PDE9A: variants seen among roughly 807,000 people sequenced by gnomAD.
PDE9A encodes the protein phosphodiesterase 9A, also known as high affinity cGMP-specific 3',5'-cyclic phosphodiesterase 9A.
In PDE9A, 60 loss-of-function variants were observed where a neutral mutation model predicts 87.4. The ratio of observed to expected loss-of-function variants is 0.69; its 90% confidence interval spans 0.56 to 0.85. PDE9A has a LOEUF of 0.85. Ranked by LOEUF, PDE9A falls within the 40% of genes least tolerant of loss-of-function variation. PDE9A has a pLI of 0.00. For missense variants in PDE9A, 665 were observed against 779.0 expected (o/e 0.85, Z 1.74); for synonymous variants, 272 against 279.4 (o/e 0.97, Z 0.27).
At chr21:42,745,714 A>G (rs1015320447) in intron 8 of PDE9A, among the ~76,000 whole-genome samples, 3 of 152,324 alleles carry the variant, frequency 2.0e-5, no homozygotes, top group African/African-American at 7.2e-5. Flanking sequence ...GTGGTGTTCC[A>G]GGGTGGTGCT....
chr21:42,748,336 T>C (rs2054081412), intron 8 of PDE9A, among the ~76,000 whole-genome samples: 1 of 152,240 alleles, frequency 6.6e-6, no homozygotes, highest in African/African-American at 2.4e-5. Context: ...GTTTTGTTAA[T>C]ACTTTGCTGA....
At chr21:42,747,914 A>C (rs936729177) in intron 8 of PDE9A, among the ~76,000 whole-genome samples, 5 of 152,244 alleles carry the variant, frequency 3.3e-5, no homozygotes, top group African/African-American at 9.6e-5. Context: ...AAATAGGATG[A>C]AAAGAAAGAG....
intron 4 of PDE9A, among the ~76,000 whole-genome samples, chr21:42,716,065 C>T (rs1167134586): frequency 6.6e-6 from 1 of 151,802 alleles, no homozygotes; most frequent in African/African-American, 2.4e-5. Context: ...TATGCCTTTT[C>T]CCGGCATCTT....
chr21:42,712,572 G>T (rs1456026676), intron 4 of PDE9A, among the ~76,000 whole-genome samples: 2 of 152,198 alleles, frequency 1.3e-5, no homozygotes, highest in Non-Finnish European at 2.9e-5. Context: ...AGTGAGAGCA[G>T]ACGTCCTCGC....
At position 42,775,298 on chromosome 21, in the gene PDE9A, A is replaced by G. The variant is rs2057406825; in HGVS notation, c.*5A>G. 6.2e-7 allele frequency: 1 copy of G among 1,610,684 alleles called. No individual in the cohort carries two copies. The highest frequency in any genetic ancestry group is 1.7e-5 in the Admixed American group (1 of 59,510). ...CTTCCAGGAGACTGTGCCTGAGGAAAGCGGGGGGCGTGGCTGCAGTTCTGG... is the reference window on the plus strand; with the variant it reads ...CTTCCAGGAGACTGTGCCTGAGGAAGGCGGGGGGCGTGGCTGCAGTTCTGG... On this transcript the variant is annotated 3_prime_UTR_variant, in exon 20 of 20. Transcript: ENST00000291539.
rs1308455799 is a variant in PDE9A at position 42,705,332 on chromosome 21, T to A, written c.262+6321T>A. Reference sequence around the variant, plus strand: ...TTTTTGGAAAATCCTTGAGCCTCAATCACTTTTATTTGATGTAAGCCGCTC... The same window carrying A: ...TTTTTGGAAAATCCTTGAGCCTCAAACACTTTTATTTGATGTAAGCCGCTC... On this transcript the variant is annotated intron_variant, in intron 4 of 19. Transcript: ENST00000291539. The surrounding 1 kb of genome is among the most constrained non-coding windows in gnomAD (Gnocchi z 4.3). Among the ~76,000 whole-genome samples the A allele has an allele frequency of 1.3e-5, 2 of 152,192 alleles. No homozygotes were observed. The highest frequency in any genetic ancestry group is 2.9e-5 in the Non-Finnish European group (2 of 68,032).
chr21:42,768,840 C>A lies in PDE9A; in HGVS notation c.1462-187C>A, dbSNP rs867805743. On this transcript the variant is annotated intron_variant, in intron 16 of 19. Coordinates refer to ENST00000291539, the MANE Select transcript of PDE9A (RefSeq NM_002606.3). ...TCTCAGGTCGGTCTTCCCAGCTAGA[C>A]CTGCACGCCCAGCTCTGTTTAGCAC... 4 of 985,266 alleles carry A rather than the reference C, an allele frequency of 4.1e-6. No homozygotes were observed. In the East Asian group the frequency reaches 3.4e-4, roughly 84 times the overall value. 61.0% of individuals were successfully genotyped at this position (985,266 alleles called of 1,614,324 possible). A position where few individuals can be genotyped will look rare whatever the true frequency, so the allele number is the denominator to read the frequency against.
In PDE9A at chr21:42,758,855, C is replaced by T. The variant is rs2055359380; in HGVS notation, c.811-144C>T. On this transcript the variant is annotated intron_variant, in intron 10 of 19. Transcript: ENST00000291539. ...CCATGTCTGCCGACCAGGCTTTGCT[C>T]TCCAGGGACTTTCTGGGAGGGGGAG... is the stretch of plus-strand genomic sequence containing the variant. 4 of 623,446 alleles carry T rather than the reference C, an allele frequency of 6.4e-6. No individual in the cohort carries two copies. In the East Asian group the frequency reaches 1.1e-4, roughly 17 times the overall value. The allele number at this position is 623,446 out of a possible 1,614,324, so 38.6% of individuals were successfully genotyped here.
Position 42,759,177 on chromosome 21 carries a change from C to T in PDE9A, c.897+92C>T, listed in dbSNP as rs867671545. Reference sequence around the variant, plus strand: ...GGGAATGGATCACCAGGGCACCTTCCGGATGGCACTGCGCTCCCTGTGAGC... The same window carrying T: ...GGGAATGGATCACCAGGGCACCTTCTGGATGGCACTGCGCTCCCTGTGAGC... On this transcript the variant is annotated intron_variant, in intron 11 of 19. Coordinates refer to ENST00000291539, the MANE Select transcript of PDE9A (RefSeq NM_002606.3). This position sits in a 1 kb window ranked among gnomAD's most constrained non-coding sequence, Gnocchi z 7.2. 11 of 883,924 alleles carry T rather than the reference C, an allele frequency of 1.2e-5. No individual in the cohort carries two copies. The highest frequency in any genetic ancestry group is 8.5e-5 in the South Asian group (6 of 70,186). The allele number at this position is 883,924 out of a possible 1,614,324, so 54.8% of individuals were successfully genotyped here.
intron 1 of PDE9A, among the ~76,000 whole-genome samples, chr21:42,678,766 T>TC (rs1326952822): frequency 2.0e-5 from 3 of 152,114 alleles, no homozygotes; most frequent in Non-Finnish European, 4.4e-5. Context: ...GGCGGCCACC[T>TC]CCCGGGGGAA....
chr21:42,692,982 C>T lies in PDE9A; in HGVS notation c.218+4988C>T, dbSNP rs1347693325. 6.6e-6 allele frequency among the ~76,000 whole-genome samples: 1 copy of T among 152,206 alleles called. No homozygotes were observed. The highest frequency in any genetic ancestry group is 2.4e-5 in the African/African-American group (1 of 41,466). On this transcript the variant is annotated intron_variant, in intron 3 of 19. Transcript: ENST00000291539. This position sits in a 1 kb window ranked among gnomAD's most constrained non-coding sequence, Gnocchi z 4.3. The stretch of plus-strand genomic sequence containing the variant: ...CCCTCACCACATGTCCAGGAGGGAG[C>T]CGGCATCCTTTGCTGACTTTCTTGC...
intron 1 of PDE9A, among the ~76,000 whole-genome samples, chr21:42,677,923 G>A (rs1167057432): frequency 2.0e-5 from 3 of 152,156 alleles, no homozygotes; most frequent in East Asian, 1.9e-4. Flanking sequence ...GATCACAGGC[G>A]TGAGCCACTG....
chr21:42,727,509 T>TTTTTG (rs1569208853), intron 4 of PDE9A, among the ~76,000 whole-genome samples: 1 of 138,980 alleles, frequency 7.2e-6, no homozygotes, highest in Non-Finnish European at 1.6e-5. Flanking sequence ...TTTTTTTTTT[T>TTTTTG]TTTTGTAGAG....
intron 8 of PDE9A, among the ~76,000 whole-genome samples, chr21:42,750,290 A>C (rs771680576): frequency 6.6e-6 from 1 of 152,232 alleles, no homozygotes; most frequent in Non-Finnish European, 1.5e-5. Flanking sequence ...GCAAGACCCT[A>C]TCTCTACAAA....
chr21:42,770,075 T>C (rs2056890405), intron 17 of PDE9A, among the ~76,000 whole-genome samples: 2 of 151,992 alleles, frequency 1.3e-5, no homozygotes, highest in South Asian at 2.1e-4. Flanking sequence ...CTGAGCTCTG[T>C]GCCCTCGAGC....
At chr21:42,669,810 T>C (rs1038734075) in intron 1 of PDE9A, among the ~76,000 whole-genome samples, 1 of 152,076 alleles carries the variant, frequency 6.6e-6, no homozygotes, top group African/African-American at 2.4e-5. Context: ...CAGCACGGAA[T>C]GAAGAGGTTC....
intron 3 of PDE9A, 48 bp downstream of exon 3, chr21:42,688,042 C>A (rs1302386839): frequency 1.4e-6 from 2 of 1,429,224 alleles, no homozygotes; most frequent in Non-Finnish European, 2.0e-6. Flanking sequence ...GCACTTCTCT[C>A]CATGACATGG....
intron 8 of PDE9A, among the ~76,000 whole-genome samples, chr21:42,747,894 G>A (rs112864952): frequency 0.017 from 2,526 of 152,358 alleles, 66 homozygotes; most frequent in African/African-American, 0.055. Context: ...TGAAAGCAAA[G>A]ATAAGCTCCA....
intron 4 of PDE9A, among the ~76,000 whole-genome samples, chr21:42,708,443 C>T (rs374873279): frequency 1.2e-4 from 18 of 152,298 alleles, no homozygotes; most frequent in African/African-American, 4.1e-4. Flanking sequence ...CCTCCCTGCT[C>T]CTAGGCATTT....
Sources: gnomAD v4.1 joint callset for allele counts (sites outside exome capture counted in the v4.1 genomes callset) on GRCh38, gnomAD v4.1.1 for gene constraint, Gnocchi (gnomAD v3.1) non-coding constraint, MANE v1.5 for transcripts, NCBI Gene and HGNC (gene_info 2026-07-23, HGNC 2026-07-21) for gene names.